GATAD2A: variants seen among roughly 807,000 people sequenced by gnomAD.
GATAD2A encodes the protein GATA zinc finger domain containing 2A.
A neutral mutation model predicts 68.5 loss-of-function variants in GATAD2A; 12 were observed. That is an observed-to-expected ratio of 0.18 (90% CI 0.11 to 0.28). The LOEUF (loss-of-function observed/expected upper bound fraction) is 0.28, where lower values mean the gene tolerates loss of function less well. GATAD2A is among the 10% of genes least tolerant of loss of function. The pLI is 1.00. For missense variants in GATAD2A, 755 were observed against 868.5 expected, an observed-to-expected ratio of 0.87 and a Z score of 1.64; for synonymous variants, 410 against 375.3, an observed-to-expected ratio of 1.09 and a Z score of -1.07.
chr19:19,420,284 A>G (rs1394425539), intron 1 of GATAD2A, among the ~76,000 whole-genome samples: 2 of 144,672 alleles, frequency 1.4e-5, no homozygotes, highest in African/African-American at 2.6e-5. Flanking sequence ...CGGCCTCCCA[A>G]AGTGCTGGGA....
intron 7 of GATAD2A, among the ~76,000 whole-genome samples, chr19:19,496,919 C>A (rs2148446410): frequency 6.6e-6 from 1 of 152,322 alleles, no homozygotes; most frequent in African/African-American, 2.4e-5. Context: ...CCTCCTCAGA[C>A]AAGAGCAAGG....
chr19:19,461,395 G>A (rs1334895788), intron 1 of GATAD2A, among the ~76,000 whole-genome samples: 5 of 152,174 alleles, frequency 3.3e-5, no homozygotes. Flanking sequence ...TGCCAGAAGT[G>A]TGCTGGGTGC....
At chr19:19,490,463 A>C (rs372842571) in intron 2 of GATAD2A, among the ~76,000 whole-genome samples, 1 of 152,130 alleles carries the variant, frequency 6.6e-6, no homozygotes, top group Non-Finnish European at 1.5e-5. Context: ...GCCGGGGTCT[A>C]ATTATCAACT....
At chr19:19,403,394 C>A (rs1415607940), upstream of GATAD2A, among the ~76,000 whole-genome samples, 2 of 152,084 alleles carry the variant, frequency 1.3e-5, no homozygotes, top group African/African-American at 4.8e-5. Context: ...CAGAAATAAA[C>A]CCTGTAGCTA....
At chr19:19,498,137 G>T (rs1378712613) in intron 7 of GATAD2A, among the ~76,000 whole-genome samples, 1 of 152,238 alleles carries the variant, frequency 6.6e-6, no homozygotes, top group East Asian at 1.9e-4. Context: ...CCACATGGGT[G>T]CCCTCACATT....
intron 1 of GATAD2A, among the ~76,000 whole-genome samples, chr19:19,425,423 A>G (rs1160898613): frequency 6.6e-6 from 1 of 152,188 alleles, no homozygotes; most frequent in Non-Finnish European, 1.5e-5. Context: ...TTGTGGTCAC[A>G]GGTCACACAG....
upstream of GATAD2A, chr19:19,402,029 A>G (rs2049798359): frequency 6.6e-6 from 1 of 152,110 alleles, no homozygotes. Flanking sequence ...ATGAAAGACA[A>G]TAAAGTTTAA....
chr19:19,502,541 C>G lies in GATAD2A; in HGVS notation c.1774+15C>G. 6.3e-7 allele frequency: 1 copy of G among 1,577,822 alleles called. No homozygotes were observed. The highest frequency in any genetic ancestry group is 8.6e-7 in the Non-Finnish European group (1 of 1,156,286). Reference sequence around the variant, plus strand: ...CCTCAGCACAGGTGGGTGACCTCCACAGGGCTCCCCAGGGGACCTGCCCAT... The same window carrying G: ...CCTCAGCACAGGTGGGTGACCTCCAGAGGGCTCCCCAGGGGACCTGCCCAT... On this transcript the variant is annotated intron_variant, in intron 11 of 11. Transcript: ENST00000683918.
intron 2 of GATAD2A, among the ~76,000 whole-genome samples, chr19:19,479,831 C>G (rs1207537343): frequency 1.2e-5 from 1 of 85,578 alleles, no homozygotes; most frequent in Non-Finnish European, 2.2e-5. Flanking sequence ...GTGGCCCACT[C>G]TTTTTTTTTT....
intron 1 of GATAD2A, among the ~76,000 whole-genome samples, chr19:19,406,978 T>C (rs1250539884): frequency 3.3e-5 from 5 of 152,256 alleles, no homozygotes; most frequent in Non-Finnish European, 7.3e-5. Flanking sequence ...TCTTAAGAGC[T>C]GTGGATTCTT....
chr19:19,479,562 C>A (rs1403529123), intron 2 of GATAD2A, among the ~76,000 whole-genome samples: 2 of 152,162 alleles, frequency 1.3e-5, no homozygotes, highest in Admixed American at 6.5e-5. Context: ...GAGCAGAGGT[C>A]AAGTGTTCTG....
chr19:19,465,393 A>G lies in GATAD2A; in HGVS notation c.48A>G (p.Glu16=), dbSNP rs1305437827. 1 of 1,614,000 alleles carries G rather than the reference A, an allele frequency of 6.2e-7. No homozygotes were observed. The highest frequency in any genetic ancestry group is 1.1e-5 in the South Asian group (1 of 91,082). ...CRTRSQKRAL[E]RDPTEDDVES... The stretch of plus-strand genomic sequence containing the variant: ...CACGGAGTCAGAAACGAGCGCTTGA[A>G]CGGGACCCAACAGAGGACGATGTGG... Residue 16 remains glutamate, a synonymous_variant, in exon 2 of 12, where the codon GAA becomes GAG. Coordinates refer to ENST00000683918, the MANE Select transcript of GATAD2A (RefSeq NM_001384528.1).
intron 1 of GATAD2A, among the ~76,000 whole-genome samples, chr19:19,441,172 A>G (rs567647348): frequency 6.6e-6 from 1 of 152,018 alleles, no homozygotes; most frequent in South Asian, 2.1e-4. Context: ...CCTCCCGAGT[A>G]GTTGGGATTA....
intron 1 of GATAD2A, among the ~76,000 whole-genome samples, chr19:19,411,221 G>A (rs1353929476): frequency 6.6e-6 from 1 of 152,226 alleles, no homozygotes; most frequent in African/African-American, 2.4e-5. Flanking sequence ...TCGGCGGCTG[G>A]GACCCAACCC....
At chr19:19,457,180 C>G (rs1233004539) in intron 1 of GATAD2A, 28 of 985,384 alleles carry the variant, frequency 2.8e-5, no homozygotes, top group Non-Finnish European at 3.4e-5. Flanking sequence ...GGGGCCACTT[C>G]AGGGACATGG....
chr19:19,400,377 C>CA (rs1393167238), intron 1 of GATAD2A, among the ~76,000 whole-genome samples: 3 of 152,174 alleles, frequency 2.0e-5, no homozygotes, highest in Non-Finnish European at 4.4e-5. Context: ...ACATTCAAAA[C>CA]AAACACACGT....
intron 1 of GATAD2A, among the ~76,000 whole-genome samples, chr19:19,453,676 T>TA (rs200114357): frequency 0.011 from 1,596 of 143,064 alleles, 12 homozygotes; most frequent in South Asian, 0.029. Flanking sequence ...TTAATTTTTT[T>TA]AAAATTTTTT....
chr19:19,496,012 C>A (rs1478969059), intron 6 of GATAD2A, 40 bp from the exon 7 acceptor site: 2 of 1,603,226 alleles, frequency 1.2e-6, no homozygotes, highest in Non-Finnish European at 1.7e-6. Flanking sequence ...CATTGTTGAT[C>A]TCAGTCAGAT....
At chr19:19,418,731 T>C (rs191558926) in intron 1 of GATAD2A, among the ~76,000 whole-genome samples, 6 of 152,314 alleles carry the variant, frequency 3.9e-5, no homozygotes, top group African/African-American at 1.4e-4. Context: ...CCTTGTTTCA[T>C]GCACTGCTCA....
Sources: allele counts gnomAD v4.1 joint callset (sites outside exome capture counted in the v4.1 genomes callset), GRCh38; gene constraint gnomAD v4.1.1; transcripts MANE v1.5; gene names NCBI Gene and HGNC (gene_info 2026-07-23, HGNC 2026-07-21).